ADAMTS17: variants seen among roughly 807,000 people sequenced by gnomAD.
The protein encoded by ADAMTS17 is A disintegrin and metalloproteinase with thrombospondin motifs 17.
A neutral mutation model predicts 141.5 loss-of-function variants in ADAMTS17; 113 were observed. That is an observed-to-expected ratio of 0.80 (90% CI 0.69 to 0.93). The LOEUF (loss-of-function observed/expected upper bound fraction) is 0.93. Among genes scored for constraint, ADAMTS17 ranks in the 40% least tolerant of loss-of-function variants. The pLI, the probability that ADAMTS17 is intolerant of heterozygous loss-of-function variation, is 0.00. For missense variants in ADAMTS17, 1,659 were observed against 1,517.9 expected (o/e 1.09, Z -1.54); for synonymous variants, 768 against 630.6 (o/e 1.22, Z -3.27).
At chr15:100,301,337 A>ATT (rs142596725) in intron 3 of ADAMTS17, among the ~76,000 whole-genome samples, 10,445 of 150,930 alleles carry the variant, frequency 0.069, 579 homozygotes, top group East Asian at 0.23. Context: ...ATATATATAT[A>ATT]TATTTTTCTG....
intron 18 of ADAMTS17, among the ~76,000 whole-genome samples, chr15:100,003,550 T>C (rs1249114344): frequency 6.6e-6 from 1 of 152,062 alleles, no homozygotes; most frequent in Non-Finnish European, 1.5e-5. Context: ...GCTATGTGGA[T>C]AGATTAAAAA....
At chr15:100,020,228 C>T (rs1239611192) in intron 18 of ADAMTS17, among the ~76,000 whole-genome samples, 1 of 152,200 alleles carries the variant, frequency 6.6e-6, no homozygotes, top group African/African-American at 2.4e-5. Context: ...AGCATTCCAC[C>T]CCCGCTGCTG....
intron 15 of ADAMTS17, among the ~76,000 whole-genome samples, chr15:100,087,129 A>G (rs1339777798): frequency 1.3e-5 from 2 of 152,224 alleles, no homozygotes; most frequent in Non-Finnish European, 2.9e-5. Flanking sequence ...GAAGAATCAA[A>G]TAGACACAAT....
At chr15:99,983,991 T>C (rs117672071) in intron 20 of ADAMTS17, among the ~76,000 whole-genome samples, 1,776 of 151,668 alleles carry the variant, frequency 0.012, 10 homozygotes, top group Middle Eastern at 0.02. Context: ...AACAGCAGAG[T>C]GTTAGACAAC....
chr15:100,161,369 C>G (rs187816166), intron 8 of ADAMTS17, among the ~76,000 whole-genome samples: 11 of 152,024 alleles, frequency 7.2e-5, no homozygotes, highest in African/African-American at 2.7e-4. Flanking sequence ...CAGGTGTAGG[C>G]GTCAGGTCCG....
chr15:100,163,944 C>T (rs1008134340), intron 8 of ADAMTS17, among the ~76,000 whole-genome samples: 1 of 152,198 alleles, frequency 6.6e-6, no homozygotes, highest in Non-Finnish European at 1.5e-5. Context: ...CCATCATCTC[C>T]CCTATTCTTG....
chr15:100,155,983 A>G (rs1051075474), intron 8 of ADAMTS17, among the ~76,000 whole-genome samples: 17 of 129,176 alleles, frequency 1.3e-4, no homozygotes, highest in Admixed American at 3.8e-4. Flanking sequence ...CGCAAGATCC[A>G]GTTGCCCAGT....
chr15:100,303,028 T>A (rs965022014), intron 3 of ADAMTS17, among the ~76,000 whole-genome samples: 1 of 151,324 alleles, frequency 6.6e-6, no homozygotes, highest in Non-Finnish European at 1.5e-5. Flanking sequence ...CCTTACTCCA[T>A]AGCCTGCAGA....
At chr15:100,297,138 G>A (rs186573040) in intron 3 of ADAMTS17, among the ~76,000 whole-genome samples, 9 of 152,294 alleles carry the variant, frequency 5.9e-5, no homozygotes, top group Non-Finnish European at 1.3e-4. Context: ...AGAGGAGCTA[G>A]GAGGAGTCCA....
chr15:100,041,528 T>C (rs2031255655), intron 18 of ADAMTS17, among the ~76,000 whole-genome samples: 1 of 152,242 alleles, frequency 6.6e-6, no homozygotes. Flanking sequence ...GCTCTTTGGA[T>C]GCTGAATGAT....
At chr15:100,031,798 G>A (rs1367287710) in intron 18 of ADAMTS17, among the ~76,000 whole-genome samples, 2 of 152,218 alleles carry the variant, frequency 1.3e-5, no homozygotes, top group African/African-American at 4.8e-5. Context: ...GGGCACTGGA[G>A]ACTAAGCTGC....
chr15:100,162,851 T>C (rs1177793640), intron 8 of ADAMTS17, among the ~76,000 whole-genome samples: 1 of 146,712 alleles, frequency 6.8e-6, no homozygotes, highest in Non-Finnish European at 1.5e-5. Context: ...TATATAGTTA[T>C]ATATCTGTGT....
intron 7 of ADAMTS17, among the ~76,000 whole-genome samples, chr15:100,226,315 G>T (rs935238298): frequency 6.6e-6 from 1 of 152,266 alleles, no homozygotes; most frequent in Non-Finnish European, 1.5e-5. Flanking sequence ...AGACTACCCA[G>T]CAGTCATGAC....
chr15:100,341,928 C>G lies in ADAMTS17; in HGVS notation c.-29G>C, dbSNP rs1266471365. The G allele has an allele frequency of 3.2e-6, 5 of 1,548,286 alleles. No individual in the cohort carries two copies. The highest frequency in any genetic ancestry group is 2.6e-6 in the Non-Finnish European group (3 of 1,146,126). On this transcript the variant is annotated 5_prime_UTR_variant, in exon 1 of 22. Coordinates refer to ENST00000268070, the MANE Select transcript of ADAMTS17 (RefSeq NM_139057.4). The stretch of plus-strand genomic sequence containing the variant: ...ACCCGGGACCGGCAGCCCCCCCGGA[C>G]CGTGGCGGCGAAGCAGGAGCGCGCT...
intron 6 of ADAMTS17, among the ~76,000 whole-genome samples, chr15:100,256,011 C>T (rs1043923727): frequency 5.3e-5 from 8 of 152,210 alleles, no homozygotes; most frequent in African/African-American, 1.7e-4. Context: ...ATCTGAATCT[C>T]GATCCTTCCT....
chr15:100,274,348 T>C (rs1052353178), intron 4 of ADAMTS17, among the ~76,000 whole-genome samples: 12 of 152,366 alleles, frequency 7.9e-5, no homozygotes, highest in African/African-American at 2.2e-4. Flanking sequence ...TTTGATGATC[T>C]GTTATCAGAT....
chr15:100,114,815 A>C (rs531493773), intron 13 of ADAMTS17, among the ~76,000 whole-genome samples: 1 of 152,220 alleles, frequency 6.6e-6, no homozygotes, highest in African/African-American at 2.4e-5. Flanking sequence ...TCAAGTCCCA[A>C]CCACTGTGGT....
chr15:100,056,455 G>A lies in ADAMTS17; in HGVS notation c.2138-2401C>T, dbSNP rs187993610. On this transcript the variant is annotated intron_variant, in intron 15 of 21. Transcript: ENST00000268070. The stretch of plus-strand genomic sequence containing the variant: ...AGGGGGTTGGGGGAAGTGGGGTGGC[G>A]GGGGATGGTTTTGGGATGAAACTTT... Among the ~76,000 whole-genome samples the A allele has an allele frequency of 4.7e-4, 71 of 152,142 alleles. 1 individual carries two copies. The highest frequency in any genetic ancestry group is 6.2e-4 in the South Asian group (3 of 4,804).
intron 15 of ADAMTS17, among the ~76,000 whole-genome samples, chr15:100,055,137 C>A (rs1365286050): frequency 6.6e-6 from 1 of 152,164 alleles, no homozygotes; most frequent in Admixed American, 6.5e-5. Flanking sequence ...GCCCACACTC[C>A]CTGTACACAC....
Sources: gnomAD v4.1 joint callset for allele counts (sites outside exome capture counted in the v4.1 genomes callset) on GRCh38, gnomAD v4.1.1 for gene constraint, MANE v1.5 for transcripts, NCBI Gene and HGNC (gene_info 2026-07-23, HGNC 2026-07-21) for gene names.